The following FBXL7 variants were observed in gnomAD, a reference collection of about 807,000 sequenced individuals.
FBXL7 encodes the protein F-box/LRR-repeat protein 7.
Under a neutral mutation model 38.3 loss-of-function variants are expected in FBXL7, and 12 were observed. That is an observed-to-expected ratio of 0.31 (90% CI 0.20 to 0.51). FBXL7 has a LOEUF of 0.51. Among genes scored for constraint, FBXL7 ranks in the 20% least tolerant of loss-of-function variants. FBXL7 has a pLI of 0.98. For synonymous variants in FBXL7, 297 were observed against 300.9 expected, an observed-to-expected ratio of 0.99 and a Z score of 0.13; for missense variants, 567 against 676.4, an observed-to-expected ratio of 0.84 and a Z score of 1.79.
intron 2 of FBXL7, among the ~76,000 whole-genome samples, chr5:15,717,193 G>T (rs185671987): frequency 6.6e-6 from 1 of 152,110 alleles, no homozygotes; most frequent in African/African-American, 2.4e-5. Flanking sequence ...ATATGCATTT[G>T]CCAGGCCTCA....
chr5:15,593,865 C>T (rs549878276), intron 1 of FBXL7, among the ~76,000 whole-genome samples: 3 of 152,080 alleles, frequency 2.0e-5, no homozygotes, highest in Non-Finnish European at 4.4e-5. Flanking sequence ...GGGCACTATC[C>T]AATGAAATTT....
intron 1 of FBXL7, among the ~76,000 whole-genome samples, chr5:15,579,781 T>C (rs1319190839): frequency 6.6e-6 from 1 of 152,142 alleles, no homozygotes; most frequent in Non-Finnish European, 1.5e-5. Context: ...CCCTCTCTTT[T>C]GTCCTCCCTG....
intron 2 of FBXL7, among the ~76,000 whole-genome samples, chr5:15,902,619 G>A (rs1741257730): frequency 6.6e-6 from 1 of 152,186 alleles, no homozygotes; most frequent in South Asian, 2.1e-4. Flanking sequence ...CCATGTTTGT[G>A]TGTAAAGCTT....
intron 2 of FBXL7, among the ~76,000 whole-genome samples, chr5:15,696,235 A>G (rs2126628234): frequency 6.6e-6 from 1 of 152,278 alleles, no homozygotes; most frequent in Admixed American, 6.5e-5. Flanking sequence ...TAGTATATTT[A>G]GCCACCCAGA....
At chr5:15,821,803 C>A (rs1346973472) in intron 2 of FBXL7, among the ~76,000 whole-genome samples, 1 of 152,186 alleles carries the variant, frequency 6.6e-6, no homozygotes, top group Admixed American at 6.5e-5. Context: ...GCAGCAGGGA[C>A]TTTTCTGAGC....
intron 1 of FBXL7, among the ~76,000 whole-genome samples, chr5:15,505,680 T>C (rs1736623721): frequency 6.6e-6 from 1 of 152,156 alleles, no homozygotes; most frequent in Non-Finnish European, 1.5e-5. Context: ...CGTAGGGTAT[T>C]ACATTTTAAT....
intron 2 of FBXL7, among the ~76,000 whole-genome samples, chr5:15,891,441 A>G (rs1236213098): frequency 6.6e-6 from 1 of 152,230 alleles, no homozygotes; most frequent in Non-Finnish European, 1.5e-5. Flanking sequence ...TTTAGAATCC[A>G]TCCACTCAAC....
intron 3 of FBXL7, among the ~76,000 whole-genome samples, chr5:15,931,388 CT>C (rs1199094745): frequency 6.6e-6 from 1 of 152,012 alleles, no homozygotes; most frequent in Non-Finnish European, 1.5e-5. Context: ...TGGAATCATC[CT>C]TTTTTCTCCC....
chr5:15,906,394 TC>T (rs1474035370), intron 2 of FBXL7, among the ~76,000 whole-genome samples: 1 of 150,962 alleles, frequency 6.6e-6, no homozygotes, highest in Non-Finnish European at 1.5e-5. Flanking sequence ...TTATGATAGG[TC>T]CCCATTCTAT....
chr5:15,628,182 G>C (rs185082648), intron 2 of FBXL7, among the ~76,000 whole-genome samples: 13 of 152,246 alleles, frequency 8.5e-5, no homozygotes, highest in Admixed American at 4.6e-4. Flanking sequence ...TTTCAAGATG[G>C]GGTGGGGCAT....
intron 2 of FBXL7, among the ~76,000 whole-genome samples, chr5:15,889,535 A>G (rs1295054653): frequency 6.6e-6 from 1 of 152,224 alleles, no homozygotes; most frequent in Non-Finnish European, 1.5e-5. Context: ...ACCTGCATCA[A>G]ATGTATGCCA....
chr5:15,887,609 T>G (rs1740730423), intron 2 of FBXL7, among the ~76,000 whole-genome samples: 1 of 152,168 alleles, frequency 6.6e-6, no homozygotes, highest in African/African-American at 2.4e-5. Flanking sequence ...CTAAGCTTTG[T>G]TAAGGTGTAT....
chr5:15,547,828 T>A (rs576409910), intron 1 of FBXL7, among the ~76,000 whole-genome samples: 2 of 152,150 alleles, frequency 1.3e-5, no homozygotes, highest in African/African-American at 4.8e-5. Context: ...TGTCAACTAC[T>A]AGTAAAGAAG....
intron 2 of FBXL7, among the ~76,000 whole-genome samples, chr5:15,746,032 G>A (rs1736006196): frequency 6.6e-6 from 1 of 152,184 alleles, no homozygotes. Flanking sequence ...AGGGTGAGAA[G>A]TGGTTCGGTC....
At chr5:15,877,777 G>A (rs1740270363) in intron 2 of FBXL7, among the ~76,000 whole-genome samples, 1 of 151,982 alleles carries the variant, frequency 6.6e-6, no homozygotes, top group South Asian at 2.1e-4. Context: ...AATTTTTGCG[G>A]GTCTGATCAC....
At chr5:15,766,514 G>A (rs1045222685) in intron 2 of FBXL7, among the ~76,000 whole-genome samples, 2 of 152,334 alleles carry the variant, frequency 1.3e-5, no homozygotes, top group Non-Finnish European at 2.9e-5. Flanking sequence ...ACAAGGCAGA[G>A]GGAGTGAATA....
rs762065912 is a variant in FBXL7 at position 15,928,336 on chromosome 5, A to T, written c.574A>T (p.Thr192Ser). 4.3e-6 allele frequency: 7 copies of T among 1,613,858 alleles called. No individual in the cohort carries two copies. Among genetic ancestry groups the T allele is most frequent in the African/African-American group, 1.3e-5 (1 of 74,946 alleles). The change falls in exon 3 of 4, where the codon ACT (threonine) becomes TCT (serine). Residue 192 changes from threonine (T) to serine (S), a missense_variant. Thr to Ser is a moderately conservative substitution (Grantham distance 58). Transcript: ENST00000504595. The surrounding 1 kb of genome is among the most constrained non-coding windows in gnomAD (Gnocchi z 4.0). ...PNVCLMLETV[T>S]VSGCRRLTDR... ...CGTGTGTCTCATGCTGGAAACCGTA[A>T]CTGTCAGTGGCTGCAGGCGGCTCAC...
chr5:15,770,761 A>G (rs1477401183), intron 2 of FBXL7, among the ~76,000 whole-genome samples: 5 of 152,174 alleles, frequency 3.3e-5, no homozygotes, highest in African/African-American at 1.2e-4. Context: ...AAGGAGATTA[A>G]TTCACTTCCC....
chr5:15,855,211 T>C (rs1739220979), intron 2 of FBXL7, among the ~76,000 whole-genome samples: 1 of 152,186 alleles, frequency 6.6e-6, no homozygotes, highest in Non-Finnish European at 1.5e-5. Context: ...CAAAATTTTG[T>C]GCATTTTTAT....
Sources: gnomAD v4.1 joint callset for allele counts (sites outside exome capture counted in the v4.1 genomes callset) on GRCh38, gnomAD v4.1.1 for gene constraint, Gnocchi (gnomAD v3.1) non-coding constraint, MANE v1.5 for transcripts, NCBI Gene and HGNC (gene_info 2026-07-23, HGNC 2026-07-21) for gene names.